Variants in CR1 observed in about 807,000 individuals in gnomAD.
The protein encoded by CR1 is complement C3b/C4b receptor 1 (Knops blood group).
A neutral mutation model predicts 187.3 loss-of-function variants in CR1; 116 were observed. The ratio of observed to expected loss-of-function variants is 0.62; its 90% CI spans 0.53 to 0.72. The LOEUF is 0.72. Among genes scored for constraint, CR1 ranks in the 30% least tolerant of loss-of-function variants. The pLI is 0.00. For missense variants in CR1, 1,731 were observed against 2,110.7 expected (o/e 0.82, Z 3.52); for synonymous variants, 576 against 747.1 (o/e 0.77, Z 3.73).
At chr1:207,590,324 G>T (rs1052426358) in intron 35 of CR1, among the ~76,000 whole-genome samples, 1 of 152,140 alleles carries the variant, frequency 6.6e-6, no homozygotes, top group African/African-American at 2.4e-5. Context: ...TTAAAGAAAA[G>T]AATTTTCAAC....
At chr1:207,521,285 C>A (rs1180516212) in intron 4 of CR1, among the ~76,000 whole-genome samples, 2 of 151,978 alleles carry the variant, frequency 1.3e-5, no homozygotes, top group East Asian at 3.9e-4. Flanking sequence ...CCTGTATAGC[C>A]TTTTGAACCT....
chr1:207,626,380 T>A (rs1352383094), intron 45 of CR1, among the ~76,000 whole-genome samples: 5 of 152,170 alleles, frequency 3.3e-5, no homozygotes, highest in Admixed American at 3.3e-4. Flanking sequence ...CATACCTCCT[T>A]GAGTGGGTGT....
At chr1:207,578,393 G>A (rs1174123239) in intron 29 of CR1, among the ~76,000 whole-genome samples, 190 bp downstream of exon 29, 2 of 152,196 alleles carry the variant, frequency 1.3e-5, no homozygotes, top group Non-Finnish European at 2.9e-5. Context: ...CATTTGGAAA[G>A]CAAGACCTTA....
intron 4 of CR1, among the ~76,000 whole-genome samples, chr1:207,519,919 G>T (rs1236759112): frequency 6.6e-6 from 1 of 152,202 alleles, no homozygotes; most frequent in Admixed American, 6.5e-5. Flanking sequence ...AGAGTAGTCT[G>T]CGGTCTGTTT....
At chr1:207,496,686 G>C (rs890787865) in intron 1 of CR1, among the ~76,000 whole-genome samples, 4 of 152,240 alleles carry the variant, frequency 2.6e-5, no homozygotes, top group Non-Finnish European at 2.9e-5. Context: ...CCTTGCCTTT[G>C]TGTATTCACA....
intron 25 of CR1, among the ~76,000 whole-genome samples, chr1:207,568,289 G>T (rs1198999458): frequency 7.7e-6 from 1 of 130,306 alleles, no homozygotes; most frequent in Admixed American, 7.8e-5. Context: ...AGAATCATAT[G>T]AATTAAAAAC....
At chr1:207,580,161 T>C (rs1484753689) in intron 29 of CR1, 79 bp from the exon 30 acceptor site, 3 of 1,555,934 alleles carry the variant, frequency 1.9e-6, no homozygotes, top group African/African-American at 2.7e-5. Context: ...TCTCTACCTC[T>C]GACTAGCTAT....
chr1:207,606,731 T>C (rs1032429437), intron 35 of CR1, among the ~76,000 whole-genome samples: 1 of 152,174 alleles, frequency 6.6e-6, no homozygotes, highest in Non-Finnish European at 1.5e-5. Context: ...TCCCTACCCT[T>C]TACATTTCAA....
intron 1 of CR1, among the ~76,000 whole-genome samples, chr1:207,498,783 C>A (rs1659167019): frequency 6.8e-6 from 1 of 146,674 alleles, no homozygotes; most frequent in Non-Finnish European, 1.5e-5. Flanking sequence ...GAGGCTGAGG[C>A]ATGAGAATCG....
chr1:207,609,327 A>C lies in CR1; in HGVS notation c.5934A>C (p.Gly1978=). The stretch of plus-strand genomic sequence containing the variant: ...AGCCACCTCCAACCATATCCAATGG[A>C]GACTTCTACAGCAACAATAGAACAT... ...SCEPPPTISN[G]DFYSNNRTSF... Residue 1978 remains glycine, a synonymous_variant, in exon 37 of 47, where the codon GGA becomes GGC. Transcript: ENST00000367049. 2 of 1,613,886 alleles carry C rather than the reference A, an allele frequency of 1.2e-6. No homozygotes were observed. Among genetic ancestry groups the C allele is most frequent in the Non-Finnish European group, 1.7e-6 (2 of 1,179,808 alleles).
At position 207,568,170 on chromosome 1, in the gene CR1, T is replaced by C; in HGVS notation, c.4171+128T>C. ...TTGCCACAATGGAATGCCAAACCAA[T>C]GATAGATGGTTCTAAGGTAGGTCAA... On this transcript the variant is annotated intron_variant, in intron 25 of 46. Transcript: ENST00000367049. 2.0e-6 allele frequency: 3 copies of C among 1,484,204 alleles called. No homozygotes were observed. The South Asian group carries it at 3.6e-5, about 18-fold the overall frequency. 91.9% of individuals were successfully genotyped at this position (1,484,204 alleles called of 1,614,324 possible).
chr1:207,624,135 A>G (rs1252411029), intron 45 of CR1, among the ~76,000 whole-genome samples: 1 of 151,904 alleles, frequency 6.6e-6, no homozygotes, highest in African/African-American at 2.4e-5. Flanking sequence ...CATCTTGGCC[A>G]GGCTGGTCTT....
chr1:207,608,888 G>A (rs1661827413), intron 36 of CR1, among the ~76,000 whole-genome samples: 1 of 151,920 alleles, frequency 6.6e-6, no homozygotes, highest in African/African-American at 2.4e-5. Flanking sequence ...TATCTTTTGT[G>A]TTTCCTTTTC....
At chr1:207,634,438 A>T (rs930803840) in intron 46 of CR1, among the ~76,000 whole-genome samples, 4 of 152,206 alleles carry the variant, frequency 2.6e-5, no homozygotes, top group African/African-American at 4.8e-5. Context: ...AATCTGTGCC[A>T]AGCGTTAAGA....
chr1:207,616,835 T>C (rs1174272492), intron 41 of CR1, 33 bp downstream of exon 41: 4 of 1,606,150 alleles, frequency 2.5e-6, no homozygotes, highest in East Asian at 2.2e-5. Context: ...CCTAAATGGG[T>C]TCAGAATATC....
intron 35 of CR1, among the ~76,000 whole-genome samples, chr1:207,593,452 A>G (rs1313347076): frequency 6.6e-6 from 1 of 152,232 alleles, no homozygotes; most frequent in Non-Finnish European, 1.5e-5. Context: ...TTATACAAAA[A>G]CTAACTCAAG....
At chr1:207,524,429 G>A (rs933941046) in intron 5 of CR1, among the ~76,000 whole-genome samples, 32 of 151,976 alleles carry the variant, frequency 2.1e-4, no homozygotes, top group Non-Finnish European at 1.8e-4. Flanking sequence ...TGTCACTCAC[G>A]TTGAACTGCT....
intron 35 of CR1, among the ~76,000 whole-genome samples, chr1:207,602,274 G>A (rs558392777): frequency 7.9e-5 from 12 of 151,876 alleles, no homozygotes; most frequent in African/African-American, 2.7e-4. Context: ...AACTGTTATG[G>A]AACATAGAAA....
intron 4 of CR1, among the ~76,000 whole-genome samples, chr1:207,515,315 T>C (rs543335896): frequency 2.3e-4 from 34 of 149,500 alleles, no homozygotes; most frequent in East Asian, 1.4e-3. Context: ...TATATATATA[T>C]ACACATATAT....
Sources: gnomAD v4.1 joint callset for allele counts (sites outside exome capture counted in the v4.1 genomes callset) on GRCh38, gnomAD v4.1.1 for gene constraint, MANE v1.5 for transcripts, NCBI Gene and HGNC (gene_info 2026-07-23, HGNC 2026-07-21) for gene names.